Variants in CECR2 observed in about 807,000 individuals in gnomAD.
CECR2 encodes chromatin remodeling regulator CECR2.
Under a neutral mutation model 154.5 loss-of-function variants are expected in CECR2, and 30 were observed. That is an observed-to-expected ratio of 0.19 (90% CI 0.15 to 0.26). CECR2 has a LOEUF of 0.26. CECR2 is among the 10% of genes least tolerant of loss of function. The pLI, the probability that CECR2 is intolerant of heterozygous loss-of-function variation, is 1.00. For missense variants in CECR2, 1,743 were observed against 1,829.3 expected (o/e 0.95, Z 0.86); for synonymous variants, 725 against 683.7 (o/e 1.06, Z -0.94).
At position 17,464,713 on chromosome 22, in the gene CECR2, C is replaced by A. The variant is rs369890268; in HGVS notation, c.127-12875C>A. Among the ~76,000 whole-genome samples, 6 of 152,150 alleles carry A rather than the reference C, an allele frequency of 3.9e-5. No individual in the cohort carries two copies. In the East Asian group the frequency reaches 5.8e-4, roughly 15 times the overall value. Reference sequence around the variant, plus strand: ...GATGAGATCTCACAAAGTTGCCAGGCTGGTCTTAAACTCCTCGACTCAAGC... The same window carrying A: ...GATGAGATCTCACAAAGTTGCCAGGATGGTCTTAAACTCCTCGACTCAAGC... On this transcript the variant is annotated intron_variant, in intron 1 of 18. Coordinates refer to ENST00000262608, the MANE Select transcript of CECR2 (RefSeq NM_001290047.2).
At position 17,549,249 on chromosome 22, in the gene CECR2, C is replaced by T. The variant is rs922228355; in HGVS notation, c.3962C>T (p.Thr1321Ile). 1 of 1,614,028 alleles carries T rather than the reference C, an allele frequency of 6.2e-7. No homozygotes were observed. The highest frequency in any genetic ancestry group is 1.7e-5 in the Admixed American group (1 of 60,024). Reference protein sequence around the residue: ...SLSASEYLYGTPPPLSSGMGF... With the variant: ...SLSASEYLYGIPPPLSSGMGF... ...TCAGCCAGCGAGTATCTCTATGGAA[C>T]TCCTCCGCCTCTGAGTTCAGGAATG... Residue 1321 changes from threonine to isoleucine, a missense_variant, in exon 17 of 19, where the codon ACT (threonine) becomes ATT (isoleucine). By Grantham distance (89) the Thr-to-Ile change is moderately conservative. Around this residue, in one of 4 missense-constraint regions of CECR2, gnomAD observed 1,250 missense variants for 1,192.1 expected, o/e 1.05. Coordinates refer to ENST00000262608, the MANE Select transcript of CECR2 (RefSeq NM_001290047.2).
intron 1 of CECR2, among the ~76,000 whole-genome samples, chr22:17,459,134 C>G (rs2054897792): frequency 6.6e-6 from 1 of 152,166 alleles, no homozygotes; most frequent in Admixed American, 6.5e-5. Context: ...AGCCTAGATT[C>G]CAAAGGATTG....
intron 9 of CECR2, among the ~76,000 whole-genome samples, chr22:17,530,041 GA>G (rs1415914051): frequency 2.0e-5 from 3 of 152,128 alleles, no homozygotes; most frequent in Admixed American, 6.5e-5. Flanking sequence ...TTTGTGTTGG[GA>G]ATGACTGAGA....
chr22:17,417,067 ATT>A (rs2054167099), intron 1 of CECR2, among the ~76,000 whole-genome samples: 1 of 150,692 alleles, frequency 6.6e-6, no homozygotes, highest in African/African-American at 2.4e-5. Flanking sequence ...AAATCTAAGA[ATT>A]TAACTTTATC....
At chr22:17,455,846 G>A (rs561812719) in intron 1 of CECR2, among the ~76,000 whole-genome samples, 29 of 152,242 alleles carry the variant, frequency 1.9e-4, no homozygotes, top group African/African-American at 6.7e-4. Context: ...TCTGACCTCA[G>A]GTGATCCGCC....
intron 10 of CECR2, among the ~76,000 whole-genome samples, chr22:17,537,726 C>G (rs923276073): frequency 2.0e-5 from 3 of 152,168 alleles, no homozygotes; most frequent in African/African-American, 7.2e-5. Flanking sequence ...ATAGGCCGGG[C>G]TCACGCCTGT....
chr22:17,536,307 C>T (rs1027486437), intron 9 of CECR2, among the ~76,000 whole-genome samples: 1 of 152,138 alleles, frequency 6.6e-6, no homozygotes, highest in Non-Finnish European at 1.5e-5. Flanking sequence ...TCCTCCCTTC[C>T]ATCTTTGTGC....
At chr22:17,449,224 A>C (rs990039301) in intron 1 of CECR2, among the ~76,000 whole-genome samples, 2 of 152,098 alleles carry the variant, frequency 1.3e-5, no homozygotes, top group East Asian at 3.9e-4. Context: ...TTCGGCCCAG[A>C]GTGGTAAAAC....
chr22:17,454,536 C>T (rs1185132792), intron 1 of CECR2, among the ~76,000 whole-genome samples: 3 of 146,314 alleles, frequency 2.1e-5, no homozygotes, highest in African/African-American at 5.1e-5. Flanking sequence ...ACCTGGGAGG[C>T]GGAGCTTGCA....
At chr22:17,418,659 C>G (rs1218323831) in intron 1 of CECR2, 1 of 315,588 alleles carries the variant, frequency 3.2e-6, no homozygotes, top group Non-Finnish European at 5.4e-6. Context: ...GTGCCAGACA[C>G]TCGCGAGGGG....
rs995459488 is a variant in CECR2 at position 17,485,946 on chromosome 22, C to G, written c.221+8264C>G. 7.2e-5 allele frequency among the ~76,000 whole-genome samples: 11 copies of G among 152,274 alleles called. No individual in the cohort carries two copies. The South Asian group carries it at 2.3e-3, about 32-fold the overall frequency. On this transcript the variant is annotated intron_variant, in intron 2 of 18. Coordinates refer to ENST00000262608, the MANE Select transcript of CECR2 (RefSeq NM_001290047.2). ...TGATTTCAGTAGAAATCAGTTATTT[C>G]TGTGGACCTCTGCTTTAAAACGTGG...
At chr22:17,420,050 A>G (rs1276858920) in intron 1 of CECR2, among the ~76,000 whole-genome samples, 1 of 152,214 alleles carries the variant, frequency 6.6e-6, no homozygotes, top group African/African-American at 2.4e-5. Flanking sequence ...AACAAATTGG[A>G]TGTATTTACA....
intron 1 of CECR2, chr22:17,428,505 T>C (rs948897048): frequency 6.6e-6 from 1 of 151,946 alleles, no homozygotes; most frequent in Non-Finnish European, 1.5e-5. Flanking sequence ...GAGAAACTTA[T>C]CAAACATTTG....
At chr22:17,531,339 C>T (rs2056352443) in intron 9 of CECR2, among the ~76,000 whole-genome samples, 1 of 152,238 alleles carries the variant, frequency 6.6e-6, no homozygotes, top group African/African-American at 2.4e-5. Flanking sequence ...TTCGCAGATG[C>T]AGGACCATCC....
chr22:17,421,840 G>A (rs1037110945), intron 1 of CECR2, among the ~76,000 whole-genome samples: 36 of 144,008 alleles, frequency 2.5e-4, no homozygotes, highest in Non-Finnish European at 3.8e-4. Flanking sequence ...TGATAAAACC[G>A]CATCTCTACT....
chr22:17,446,622 A>G (rs1020278941), intron 1 of CECR2, among the ~76,000 whole-genome samples: 18 of 152,278 alleles, frequency 1.2e-4, no homozygotes, highest in South Asian at 8.3e-4. Context: ...GAGGTTAGGA[A>G]GGAGAATGAT....
In CECR2 at chr22:17,552,887, A is replaced by C; in HGVS notation, c.*47A>C. 1 of 1,548,166 alleles carries C rather than the reference A, an allele frequency of 6.5e-7. No homozygotes were observed. The highest frequency in any genetic ancestry group is 8.7e-7 in the Non-Finnish European group (1 of 1,145,768). On this transcript the variant is annotated 3_prime_UTR_variant, in exon 19 of 19. Coordinates refer to ENST00000262608, the MANE Select transcript of CECR2 (RefSeq NM_001290047.2). ...AAGCAATGGAAAGCTGCACACGAAG[A>C]CTGGAATGTGGAGAACTGGGGAGTG...
At chr22:17,540,901 T>G in intron 14 of CECR2, 101 bp downstream of exon 14, 2 of 1,255,394 alleles carry the variant, frequency 1.6e-6, no homozygotes, top group Non-Finnish European at 2.1e-6. Context: ...TACTTACGTG[T>G]ATGTATGGAA....
At chr22:17,427,301 T>G (rs1041429746) in intron 1 of CECR2, among the ~76,000 whole-genome samples, 2 of 152,204 alleles carry the variant, frequency 1.3e-5, no homozygotes, top group Non-Finnish European at 2.9e-5. Context: ...TTTGCTATTG[T>G]GAATAGTGCC....
Sources: allele counts gnomAD v4.1 joint callset (sites outside exome capture counted in the v4.1 genomes callset), GRCh38; gene constraint gnomAD v4.1.1; regional missense constraint gnomAD v4.1.1; transcripts MANE v1.5; gene names NCBI Gene and HGNC (gene_info 2026-07-23, HGNC 2026-07-21).